The following EIF2S3B variants were observed in gnomAD, a reference collection of about 807,000 sequenced individuals.
EIF2S3B encodes the protein eukaryotic translation initiation factor 2 subunit gamma B.
A neutral mutation model predicts 26.4 loss-of-function variants in EIF2S3B; 16 were observed. The ratio of observed to expected loss-of-function variants is 0.61; its 90% confidence interval spans 0.41 to 0.92. The LOEUF is 0.92. Ranked by LOEUF, EIF2S3B falls within the 40% of genes least tolerant of loss-of-function variation. EIF2S3B has a pLI of 0.00. For synonymous variants in EIF2S3B, 183 were observed against 204.4 expected, an observed-to-expected ratio of 0.90 and a Z score of 0.89; for missense variants, 510 against 575.5, an observed-to-expected ratio of 0.89 and a Z score of 1.16.
Position 10,507,004 on chromosome 12 carries a change from T to G in EIF2S3B, c.1102T>G (p.Phe368Val). ...TGCAGTCGGAGCTTTACCTGAGATA[T>G]TCACAGAATTGGAAATTTCCTATTT... ...LGAVGALPEI[F>V]TELEISYFLL... is the part of the protein sequence containing the mutation. Residue 368 changes from phenylalanine to valine, a missense_variant, in exon 1 of 1, where the codon TTC becomes GTC. Transcript: ENST00000538173. 1.9e-6 allele frequency: 3 copies of G among 1,613,750 alleles called. No individual in the cohort carries two copies. The highest frequency in any genetic ancestry group is 2.5e-6 in the Non-Finnish European group (3 of 1,179,676).
chr12:10,521,436 T>G (rs960816233), intron 1 of EIF2S3B, among the ~76,000 whole-genome samples: 2 of 152,142 alleles, frequency 1.3e-5, no homozygotes, highest in African/African-American at 4.8e-5. Context: ...AAGCATATAA[T>G]ATTTGATAGT....
At chr12:10,515,936 A>G (rs1864750988) in intron 1 of EIF2S3B, among the ~76,000 whole-genome samples, 1 of 151,156 alleles carries the variant, frequency 6.6e-6, no homozygotes, top group Non-Finnish European at 1.5e-5. Context: ...TATTTTTAGT[A>G]TAAAATAAGT....
At position 10,505,986 on chromosome 12, in the gene EIF2S3B, G is replaced by A; in HGVS notation, c.84G>A (p.Leu28=). Residue 28 remains leucine (L), a synonymous_variant, in exon 1 of 1, where the codon TTG becomes TTA. Coordinates refer to ENST00000538173, the MANE Select transcript of EIF2S3B (RefSeq NM_001357734.3). ...QDLTTLDVTK[L]TPLSHEVISR... is the part of the protein sequence containing the mutation. ...TCACCACCTTGGATGTTACCAAGTT[G>A]ACGCCACTTTCACACGAAGTTATCA... 1 of 1,606,030 alleles carries A rather than the reference G, an allele frequency of 6.2e-7. No homozygotes were observed. The highest frequency in any genetic ancestry group is 8.5e-7 in the Non-Finnish European group (1 of 1,172,590).
Position 10,506,509 on chromosome 12 carries a change from C to CT in EIF2S3B, c.607_608insT (p.Gln203LeufsTer31), listed in dbSNP as rs1864632330. 2.5e-6 allele frequency: 4 copies of CT among 1,598,598 alleles called. No individual in the cohort carries two copies. The highest frequency in any genetic ancestry group is 3.4e-6 in the Non-Finnish European group (4 of 1,165,948). On this transcript the variant is annotated frameshift_variant, in exon 1 of 1. Transcript: ENST00000538173. LOFTEE classifies it high-confidence loss of function. ...GGTAAAAGAAAGGCAGGCTAAAGAA[C>CT]AATACGAGCAGATCCTTGCGTTTGT...
intron 1 of EIF2S3B, among the ~76,000 whole-genome samples, chr12:10,517,094 C>A (rs558578747): frequency 3.4e-4 from 52 of 151,708 alleles, no homozygotes; most frequent in South Asian, 2.3e-3. Flanking sequence ...TGTCTCTGCC[C>A]GGCTTTGGTA....
rs1864630050 is a variant in EIF2S3B at position 10,506,381 on chromosome 12, C to A, written c.479C>A (p.Ala160Asp). 1.2e-6 allele frequency: 2 copies of A among 1,613,984 alleles called. No individual in the cohort carries two copies. Among genetic ancestry groups the A allele is most frequent in the South Asian group, 1.1e-5 (1 of 91,088 alleles). Residue 160 changes from alanine to aspartate, a missense_variant, in exon 1 of 1, where the codon GCT becomes GAT. Transcript: ENST00000538173. Reference sequence around the variant, plus strand: ...ATGGATGCAGCTCTTCTGTTGATAGCTGGTAATGAATCTTGCCCTCAGCCT... The same window carrying A: ...ATGGATGCAGCTCTTCTGTTGATAGATGGTAATGAATCTTGCCCTCAGCCT... ...AVMDAALLLI[A>D]GNESCPQPQT...
chr12:10,509,872 G>T (rs1488271551), downstream of EIF2S3B, among the ~76,000 whole-genome samples: 3 of 151,894 alleles, frequency 2.0e-5, no homozygotes, highest in African/African-American at 7.3e-5. Flanking sequence ...GTCACACATA[G>T]ATTTTATGGG....
Position 10,506,946 on chromosome 12 carries a change from C to T in EIF2S3B, c.1044C>T (p.Cys348=), listed in dbSNP as rs1009948066. The T allele has an allele frequency of 6.2e-6, 10 of 1,613,816 alleles. No individual in the cohort carries two copies. The highest frequency in any genetic ancestry group is 1.7e-5 in the Admixed American group (1 of 60,016). The change falls in exon 1 of 1, where the codon TGC becomes TGT. Residue 348 remains cysteine (C), a synonymous_variant. Coordinates refer to ENST00000538173, the MANE Select transcript of EIF2S3B (RefSeq NM_001357734.3). ...GVGTKIDPTL[C]RADRMVGQIL... ...GAACAAAAATTGACCCCACTTTGTG[C>T]CGGGCTGACAGAATGGTGGGGCAAA...
chr12:10,506,627 A>C lies in EIF2S3B; in HGVS notation c.725A>C (p.Lys242Thr), dbSNP rs769178155. Residue 242 changes from lysine (K) to threonine (T), a missense_variant, in exon 1 of 1, where the codon AAA becomes ACA. Physicochemically the swap from Lys to Thr is moderately conservative, Grantham distance 78. Coordinates refer to ENST00000538173, the MANE Select transcript of EIF2S3B (RefSeq NM_001357734.3). ...IEVVCEYIVK[K>T]IPVPPRDFTS... Reference sequence around the variant, plus strand: ...GTTGTTTGTGAGTACATAGTAAAGAAAATTCCAGTACCCCCAAGAGACTTT... The same window carrying C: ...GTTGTTTGTGAGTACATAGTAAAGACAATTCCAGTACCCCCAAGAGACTTT... The C allele has an allele frequency of 3.1e-6, 5 of 1,612,492 alleles. No individual in the cohort carries two copies. In the African/African-American group the frequency reaches 6.7e-5, roughly 21 times the overall value.
chr12:10,507,126 A>G lies in EIF2S3B; in HGVS notation c.1224A>G (p.Ile408Met). The change falls in exon 1 of 1, where the codon ATA becomes ATG. Residue 408 changes from isoleucine (I) to methionine (M), a missense_variant. Physicochemically the swap from Ile to Met is conservative, Grantham distance 10. Transcript: ENST00000538173. ...LSKNEVLMVNIGSLSTGGRVS... is the reference protein window; with the variant it reads ...LSKNEVLMVNMGSLSTGGRVS... Reference sequence around the variant, plus strand: ...AGAATGAAGTGCTCATGGTGAACATAGGATCCCTGTCGACAGGAGGGAGAG... The same window carrying G: ...AGAATGAAGTGCTCATGGTGAACATGGGATCCCTGTCGACAGGAGGGAGAG... 1 of 1,613,860 alleles carries G rather than the reference A, an allele frequency of 6.2e-7. No individual in the cohort carries two copies. The highest frequency in any genetic ancestry group is 1.3e-5 in the African/African-American group (1 of 75,052).
chr12:10,511,112 A>C (rs1014388249), downstream of EIF2S3B, among the ~76,000 whole-genome samples: 5 of 152,124 alleles, frequency 3.3e-5, no homozygotes, highest in African/African-American at 1.2e-4. Flanking sequence ...ATGGAAAAAA[A>C]ATCTGTTTGC....
Position 10,507,712 on chromosome 12 carries a change from C to G in EIF2S3B, c.*391C>G, listed in dbSNP as rs907761555. On this transcript the variant is annotated 3_prime_UTR_variant, in exon 1 of 1. Coordinates refer to ENST00000538173, the MANE Select transcript of EIF2S3B (RefSeq NM_001357734.3). ...GGTTCAAGCGATTCTCCTGCCTCAG[C>G]CCCCCAAGTAGCTGAGATTACAGGT... is the stretch of plus-strand genomic sequence containing the variant. Among the ~76,000 whole-genome samples the G allele has an allele frequency of 6.6e-6, 1 of 152,128 alleles. No individual in the cohort carries two copies. Among genetic ancestry groups the G allele is most frequent in the Non-Finnish European group, 1.5e-5 (1 of 68,020 alleles).
Position 10,506,933 on chromosome 12 carries a change from AC to A in EIF2S3B, c.1035del (p.Thr346LeufsTer37). Reference sequence around the variant, plus strand: ...CTTATTGGAGTTGGAACAAAAATTGACCCCACTTTGTGCCGGGCTGACAGAA... The same window carrying A: ...CTTATTGGAGTTGGAACAAAAATTGACCCACTTTGTGCCGGGCTGACAGAA... ...GGLIGVGTKIDPTLCRADRMV... is the reference protein window; with the variant it reads ...GGLIGVGTKIXPTLCRADRMV... On this transcript the variant is annotated frameshift_variant, in exon 1 of 1. Transcript: ENST00000538173. LOFTEE classifies it high-confidence loss of function. The A allele has an allele frequency of 6.2e-7, 1 of 1,613,736 alleles. No individual in the cohort carries two copies. Among genetic ancestry groups the A allele is most frequent in the Middle Eastern group, 1.7e-4 (1 of 6,060 alleles).
In EIF2S3B at chr12:10,506,761, G is replaced by A; in HGVS notation, c.859G>A (p.Val287Ile). 6.2e-7 allele frequency: 1 copy of A among 1,614,046 alleles called. No individual in the cohort carries two copies. The highest frequency in any genetic ancestry group is 8.5e-7 in the Non-Finnish European group (1 of 1,179,878). ...GVAGGSILKG[V>I]LKVGQETEVR... is the part of the protein sequence containing the mutation. ...AGCTGGTGGTAGTATCCTAAAAGGA[G>A]TATTAAAGGTGGGCCAGGAGACAGA... Residue 287 changes from valine to isoleucine, a missense_variant, in exon 1 of 1, where the codon GTA (valine) becomes ATA (isoleucine). Coordinates refer to ENST00000538173, the MANE Select transcript of EIF2S3B (RefSeq NM_001357734.3).
chr12:10,509,363 T>C (rs974768609), downstream of EIF2S3B, among the ~76,000 whole-genome samples: 6 of 152,174 alleles, frequency 3.9e-5, no homozygotes, highest in African/African-American at 1.2e-4. Context: ...TTTCCAACAA[T>C]CTTACCTTTC....
At chr12:10,510,504 T>C (rs906388199), downstream of EIF2S3B, among the ~76,000 whole-genome samples, 2 of 152,208 alleles carry the variant, frequency 1.3e-5, no homozygotes, top group Non-Finnish European at 2.9e-5. Flanking sequence ...CTTTTCTCCA[T>C]AGCAGGACAA....
downstream of EIF2S3B, among the ~76,000 whole-genome samples, chr12:10,512,224 C>G (rs552452439): frequency 5.6e-4 from 86 of 152,268 alleles, no homozygotes; most frequent in South Asian, 0.017. Context: ...GGCAGGACAT[C>G]TAACAATCTT....
intron 1 of EIF2S3B, among the ~76,000 whole-genome samples, chr12:10,517,041 A>G (rs1247893552): frequency 1.3e-5 from 2 of 151,230 alleles, no homozygotes; most frequent in Non-Finnish European, 3.0e-5. Flanking sequence ...TTTTGCATCA[A>G]TGTTCATCAA....
At chr12:10,512,040 A>T (rs1864709854), downstream of EIF2S3B, among the ~76,000 whole-genome samples, 1 of 152,202 alleles carries the variant, frequency 6.6e-6, no homozygotes, top group Non-Finnish European at 1.5e-5. Context: ...TAACAAATGG[A>T]GCTATTGTTC....
Sources: allele counts gnomAD v4.1 joint callset (sites outside exome capture counted in the v4.1 genomes callset), GRCh38; gene constraint gnomAD v4.1.1; transcripts MANE v1.5; gene names NCBI Gene and HGNC (gene_info 2026-07-23, HGNC 2026-07-21).